Variants in HS6ST1 observed in about 807,000 individuals in gnomAD.
The protein encoded by HS6ST1 is heparan sulfate 6-O-sulfotransferase 1, also known as heparan-sulfate 6-O-sulfotransferase 1.
In HS6ST1, 3 loss-of-function variants were observed where a neutral mutation model predicts 25.2. The observed-to-expected ratio is 0.12, with a 90% CI of 0.05 to 0.31. The LOEUF (loss-of-function observed/expected upper bound fraction) is 0.31. Ranked by LOEUF, HS6ST1 falls within the 10% of genes least tolerant of loss-of-function variation. HS6ST1 has a pLI of 1.00. For synonymous variants in HS6ST1, 204 were observed against 275.1 expected (o/e 0.74, Z 2.56); for missense variants, 310 against 609.6 (o/e 0.51, Z 5.18).
chr2:128,305,030 G>A (rs1261927012), intron 1 of HS6ST1, among the ~76,000 whole-genome samples: 2 of 152,244 alleles, frequency 1.3e-5, no homozygotes, highest in Non-Finnish European at 2.9e-5. Context: ...TCATGCAGGA[G>A]GCAGCTCCCT....
chr2:128,311,320 CAGT>C (rs896254097), intron 1 of HS6ST1, among the ~76,000 whole-genome samples: 3 of 152,122 alleles, frequency 2.0e-5, no homozygotes, highest in Non-Finnish European at 2.9e-5. Flanking sequence ...GAGCAGGTGC[CAGT>C]GAGTGTCCAG....
rs1014074256 is a variant in HS6ST1 at position 128,265,896 on chromosome 2, C to T, written c.*2266G>A. On this transcript the variant is annotated 3_prime_UTR_variant, in exon 2 of 2. Transcript: ENST00000259241. ...TGGCAAAGGAACTGTTGACCCAAAG[C>T]AGGTGGCCTGAATGGGAAGTGCCAG... 11 of 151,998 alleles carry T rather than the reference C, an allele frequency of 7.2e-5. No individual in the cohort carries two copies. The highest frequency in any genetic ancestry group is 2.2e-4 in the African/African-American group (9 of 41,384). 9.4% of individuals were successfully genotyped at this position (151,998 alleles called of 1,614,324 possible).
intron 1 of HS6ST1, among the ~76,000 whole-genome samples, chr2:128,270,984 C>T (rs1028609229): frequency 5.9e-5 from 9 of 152,228 alleles, no homozygotes; most frequent in African/African-American, 1.4e-4. Flanking sequence ...AGCCCACAGG[C>T]GGGTCCTTCA....
intron 1 of HS6ST1, among the ~76,000 whole-genome samples, chr2:128,317,364 G>A (rs1333625591): frequency 1.3e-5 from 2 of 152,236 alleles, no homozygotes; most frequent in Non-Finnish European, 2.9e-5. Context: ...CCCATCGGGT[G>A]GCTTTTGTTC....
intron 1 of HS6ST1, among the ~76,000 whole-genome samples, chr2:128,272,476 C>T (rs1693623007): frequency 2.0e-5 from 3 of 152,242 alleles, no homozygotes; most frequent in Admixed American, 2.0e-4. Context: ...ACGCGACCTA[C>T]TGACCATCAC....
rs1313284816 is a variant in HS6ST1 at position 128,267,873 on chromosome 2, G to A, written c.*289C>T. On this transcript the variant is annotated 3_prime_UTR_variant, in exon 2 of 2. Transcript: ENST00000259241. ...TCAGTTTTTGCGATAAATCCAAGGA[G>A]GCCAGGAGAGCAGCTCCAGGCACAA... is the stretch of plus-strand genomic sequence containing the variant. 98 of 567,268 alleles carry A rather than the reference G, an allele frequency of 1.7e-4. No homozygotes were observed. In the East Asian group the frequency reaches 2.8e-3, roughly 16 times the overall value. The allele number at this position is 567,268 out of a possible 1,614,324, so 35.1% of individuals were successfully genotyped here. A position where few individuals can be genotyped will look rare whatever the true frequency, so the allele number is the denominator to read the frequency against.
intron 1 of HS6ST1, among the ~76,000 whole-genome samples, chr2:128,313,829 G>T: frequency 6.6e-6 from 1 of 151,876 alleles, no homozygotes; most frequent in East Asian, 1.9e-4. Context: ...GGAAGCTGTG[G>T]CTTGAAGACC....
intron 1 of HS6ST1, among the ~76,000 whole-genome samples, chr2:128,281,934 C>A (rs985434094): frequency 2.6e-5 from 4 of 152,242 alleles, no homozygotes; most frequent in Non-Finnish European, 4.4e-5. Context: ...CTAGCCCAGG[C>A]CACATGGCTG....
chr2:128,307,270 C>T (rs867962635), intron 1 of HS6ST1, among the ~76,000 whole-genome samples: 7 of 152,178 alleles, frequency 4.6e-5, no homozygotes, highest in East Asian at 3.8e-4. Flanking sequence ...GGGGTGCACG[C>T]TGCAGGGAGG....
At chr2:128,282,864 C>T (rs1158183954) in intron 1 of HS6ST1, among the ~76,000 whole-genome samples, 1 of 152,212 alleles carries the variant, frequency 6.6e-6, no homozygotes, top group Non-Finnish European at 1.5e-5. Context: ...GCATGTTGGG[C>T]TCCAGGTGCT....
chr2:128,268,953 A>G (rs1400517727), intron 1 of HS6ST1, 83 bp from the exon 2 acceptor site: 12 of 1,186,764 alleles, frequency 1.0e-5, no homozygotes, highest in East Asian at 2.4e-5. Flanking sequence ...CAAAGTCCCC[A>G]CTACAGGAGT....
intron 1 of HS6ST1, among the ~76,000 whole-genome samples, chr2:128,301,411 A>G (rs767572019): frequency 6.6e-6 from 1 of 152,118 alleles, no homozygotes; most frequent in Non-Finnish European, 1.5e-5. Context: ...TCGTCTTTGG[A>G]AAAGCATCTC....
At chr2:128,317,560 C>T (rs1472279383) in intron 1 of HS6ST1, among the ~76,000 whole-genome samples, 1 of 152,228 alleles carries the variant, frequency 6.6e-6, no homozygotes, top group African/African-American at 2.4e-5. Flanking sequence ...CCTCTGAAGG[C>T]AGGCACTCCA....
chr2:128,301,403 G>A (rs766241607), intron 1 of HS6ST1, among the ~76,000 whole-genome samples: 7 of 152,150 alleles, frequency 4.6e-5, no homozygotes, highest in Admixed American at 1.3e-4. Context: ...ACAGCAGATC[G>A]TCTTTGGAAA....
intron 1 of HS6ST1, among the ~76,000 whole-genome samples, chr2:128,286,555 A>C (rs1256730495): frequency 6.6e-6 from 1 of 152,230 alleles, no homozygotes; most frequent in Non-Finnish European, 1.5e-5. Context: ...TTTGCAGGCC[A>C]TCCAAATGCA....
At chr2:128,282,976 T>C (rs1035655807) in intron 1 of HS6ST1, among the ~76,000 whole-genome samples, 14 of 152,118 alleles carry the variant, frequency 9.2e-5, no homozygotes, top group Non-Finnish European at 1.8e-4. Flanking sequence ...ACGGATTCCA[T>C]CCTCACTGCC....
chr2:128,281,362 C>T (rs1693783191), intron 1 of HS6ST1, among the ~76,000 whole-genome samples: 1 of 152,192 alleles, frequency 6.6e-6, no homozygotes, highest in Non-Finnish European at 1.5e-5. Flanking sequence ...ATGTGGCCCT[C>T]AAGAGAGAGG....
chr2:128,307,216 G>A (rs145851524), intron 1 of HS6ST1, among the ~76,000 whole-genome samples: 10 of 152,258 alleles, frequency 6.6e-5, no homozygotes, highest in Non-Finnish European at 1.2e-4. Flanking sequence ...GGCTGTGCAG[G>A]TGCCACCGTG....
intron 1 of HS6ST1, among the ~76,000 whole-genome samples, chr2:128,279,402 T>C (rs1693744942): frequency 6.8e-6 from 1 of 147,166 alleles, no homozygotes; most frequent in African/African-American, 2.6e-5. Context: ...AGAAAATGAA[T>C]GGTTTTCCGT....
Sources: gnomAD v4.1 joint callset for allele counts (sites outside exome capture counted in the v4.1 genomes callset) on GRCh38, gnomAD v4.1.1 for gene constraint, MANE v1.5 for transcripts, NCBI Gene and HGNC (gene_info 2026-07-23, HGNC 2026-07-21) for gene names.